PDZD2: variants seen among roughly 807,000 people sequenced by gnomAD.
The protein encoded by PDZD2 is PDZ domain-containing protein 2.
A neutral mutation model predicts 220.7 loss-of-function variants in PDZD2; 90 were observed. The observed-to-expected ratio is 0.41, with a 90% CI of 0.34 to 0.49. PDZD2 has a LOEUF of 0.49. PDZD2 is among the 20% of genes least tolerant of loss of function. The pLI, the probability that PDZD2 is intolerant of heterozygous loss-of-function variation, is 0.28. For synonymous variants in PDZD2, 1,375 were observed against 1,450.5 expected, an observed-to-expected ratio of 0.95 and a Z score of 1.18; for missense variants, 3,174 against 3,608.5, an observed-to-expected ratio of 0.88 and a Z score of 3.08.
chr5:31,739,262 A>G (rs1468377737), intron 1 of PDZD2, among the ~76,000 whole-genome samples: 1 of 152,212 alleles, frequency 6.6e-6, no homozygotes, highest in East Asian at 1.9e-4. Context: ...AAGAGTCTCA[A>G]AATGCATGCC....
intron 2 of PDZD2, among the ~76,000 whole-genome samples, chr5:31,922,291 C>T (rs549582193): frequency 1.3e-5 from 2 of 152,294 alleles, no homozygotes; most frequent in East Asian, 3.9e-4. Context: ...CTTGAAAGTA[C>T]AGCTCTGAGC....
At position 32,088,044 on chromosome 5, in the gene PDZD2, A is replaced by G; in HGVS notation, c.4596A>G (p.Glu1532=). The G allele has an allele frequency of 6.2e-7, 1 of 1,614,176 alleles. No homozygotes were observed. ...NYSRNFSSFH[E]DSTSLSGLGD... is the part of the protein sequence containing the mutation. Reference sequence around the variant, plus strand: ...CTAGAAATTTTAGCAGTTTTCATGAAGACAGCACCTCCCTATCAGGCCTGG... The same window carrying G: ...CTAGAAATTTTAGCAGTTTTCATGAGGACAGCACCTCCCTATCAGGCCTGG... The change falls in exon 20 of 25, where the codon GAA becomes GAG. Residue 1532 remains glutamate (E), a synonymous_variant. Transcript: ENST00000438447. The surrounding 1 kb of genome is among the most constrained non-coding windows in gnomAD (Gnocchi z 4.6).
At chr5:31,689,353 A>ATATATTT in intron 1 of PDZD2, among the ~76,000 whole-genome samples, 10 of 35,134 alleles carry the variant, frequency 2.8e-4, no homozygotes, top group African/African-American at 1.2e-3. Context: ...ATATATATAT[A>ATATATTT]TTTTTTTTTT....
intron 2 of PDZD2, among the ~76,000 whole-genome samples, chr5:31,926,400 C>T (rs923638098): frequency 2.0e-5 from 3 of 149,494 alleles, no homozygotes; most frequent in Non-Finnish European, 2.9e-5. Flanking sequence ...GTGGTGCAAG[C>T]CTGTACTCCC....
chr5:31,704,961 G>A (rs1410540968), intron 1 of PDZD2, among the ~76,000 whole-genome samples: 1 of 152,124 alleles, frequency 6.6e-6, no homozygotes, highest in East Asian at 1.9e-4. Flanking sequence ...GGAAGTTCGA[G>A]ACCAACCTGG....
intron 1 of PDZD2, among the ~76,000 whole-genome samples, chr5:31,786,009 T>C (rs1255900133): frequency 6.6e-6 from 1 of 152,118 alleles, no homozygotes; most frequent in Admixed American, 6.6e-5. Flanking sequence ...CCGAAATCTT[T>C]CCTTCTGAAT....
intron 1 of PDZD2, among the ~76,000 whole-genome samples, chr5:31,662,686 G>T (rs1318070510): frequency 1.3e-5 from 2 of 152,170 alleles, no homozygotes; most frequent in East Asian, 3.9e-4. Flanking sequence ...ATGGAGTGCA[G>T]TGGCGCAATC....
intron 1 of PDZD2, among the ~76,000 whole-genome samples, chr5:31,782,350 C>A (rs1275841597): frequency 6.6e-6 from 1 of 152,074 alleles, no homozygotes; most frequent in Admixed American, 6.6e-5. Context: ...TTCTTGTTTT[C>A]AGAAATTCAT....
At chr5:31,775,054 A>G (rs1000533127) in intron 1 of PDZD2, among the ~76,000 whole-genome samples, 2 of 152,216 alleles carry the variant, frequency 1.3e-5, no homozygotes, top group Non-Finnish European at 2.9e-5. Flanking sequence ...CTTGGGAAAC[A>G]TCGAGAGCCA....
chr5:32,079,418 G>A (rs1741692631), intron 19 of PDZD2, among the ~76,000 whole-genome samples: 1 of 151,924 alleles, frequency 6.6e-6, no homozygotes, highest in South Asian at 2.1e-4. Context: ...CTGTCGGCTG[G>A]TTGTTACTGT....
intron 1 of PDZD2, among the ~76,000 whole-genome samples, chr5:31,654,206 C>G (rs1485326713): frequency 6.6e-6 from 1 of 152,216 alleles, no homozygotes. Context: ...AGGATCAATT[C>G]TGAGCCTTTT....
At position 31,795,433 on chromosome 5, in the gene PDZD2, A is replaced by T. The variant is rs919243430; in HGVS notation, c.-360-3456A>T. Among the ~76,000 whole-genome samples the T allele has an allele frequency of 2.6e-5, 4 of 152,342 alleles. No individual in the cohort carries two copies. The East Asian group carries it at 7.7e-4, about 29-fold the overall frequency. Reference sequence around the variant, plus strand: ...CGATTCAAAATTAATTTAAATTATCACAGCTATTTGCTTGAGATGGCAATC... The same window carrying T: ...CGATTCAAAATTAATTTAAATTATCTCAGCTATTTGCTTGAGATGGCAATC... On this transcript the variant is annotated intron_variant, in intron 1 of 24. Transcript: ENST00000438447.
intron 2 of PDZD2, among the ~76,000 whole-genome samples, chr5:31,873,698 G>T (rs532077630): frequency 1.3e-5 from 2 of 151,152 alleles, no homozygotes; most frequent in East Asian, 1.9e-4. Context: ...CACTGCACCC[G>T]GCCAGAAATT....
intron 9 of PDZD2, 23 bp downstream of exon 9, chr5:32,052,753 T>C: frequency 6.2e-7 from 1 of 1,609,020 alleles, no homozygotes; most frequent in Non-Finnish European, 8.5e-7. Flanking sequence ...CTGCAGACTG[T>C]TCTGCCTTCT....
At chr5:31,877,318 C>A (rs1030290479) in intron 2 of PDZD2, among the ~76,000 whole-genome samples, 1 of 152,016 alleles carries the variant, frequency 6.6e-6, no homozygotes, top group Non-Finnish European at 1.5e-5. Flanking sequence ...CGGGCTCAAG[C>A]GATTCTCCCA....
intron 5 of PDZD2, among the ~76,000 whole-genome samples, chr5:32,009,670 T>A (rs1000523290): frequency 1.3e-5 from 2 of 152,026 alleles, no homozygotes; most frequent in African/African-American, 4.8e-5. Context: ...GGTTTGAGGT[T>A]GCAGTGAGCT....
chr5:31,937,466 T>C (rs1745856160), intron 2 of PDZD2, among the ~76,000 whole-genome samples: 1 of 152,186 alleles, frequency 6.6e-6, no homozygotes, highest in African/African-American at 2.4e-5. Flanking sequence ...AATTGGGAGC[T>C]GCTTGGGTTA....
chr5:32,017,999 A>G (rs1046173943), intron 6 of PDZD2, among the ~76,000 whole-genome samples: 1 of 152,206 alleles, frequency 6.6e-6, no homozygotes, highest in Non-Finnish European at 1.5e-5. Flanking sequence ...GCAGGGCTCC[A>G]CTGATAGCAA....
intron 14 of PDZD2, among the ~76,000 whole-genome samples, chr5:32,064,276 C>T (rs1175555633): frequency 2.0e-5 from 3 of 151,520 alleles, no homozygotes; most frequent in African/African-American, 7.3e-5. Flanking sequence ...AAGTCTCTCT[C>T]AGTTGCCCAG....
Sources: gnomAD v4.1 joint callset for allele counts (sites outside exome capture counted in the v4.1 genomes callset) on GRCh38, gnomAD v4.1.1 for gene constraint, Gnocchi (gnomAD v3.1) non-coding constraint, MANE v1.5 for transcripts, NCBI Gene and HGNC (gene_info 2026-07-23, HGNC 2026-07-21) for gene names.